Variants in MACROD2 observed in about 807,000 individuals in gnomAD.
The protein encoded by MACROD2 is ADP-ribose glycohydrolase MACROD2.
Under a neutral mutation model 70.4 loss-of-function variants are expected in MACROD2, and 36 were observed. The observed-to-expected ratio is 0.51, with a 90% CI of 0.39 to 0.68. The LOEUF (loss-of-function observed/expected upper bound fraction) is 0.68. Ranked by LOEUF, MACROD2 falls within the 30% of genes least tolerant of loss-of-function variation. The pLI, the probability that MACROD2 is intolerant of heterozygous loss-of-function variation, is 0.00. For synonymous variants in MACROD2, 172 were observed against 178.8 expected, an observed-to-expected ratio of 0.96 and a Z score of 0.30; for missense variants, 496 against 538.4, an observed-to-expected ratio of 0.92 and a Z score of 0.78.
intron 5 of MACROD2, among the ~76,000 whole-genome samples, chr20:15,203,073 A>G (rs2076670900): frequency 6.6e-6 from 1 of 152,152 alleles, no homozygotes; most frequent in Non-Finnish European, 1.5e-5. Flanking sequence ...TGGGATGGGA[A>G]CTTGTTAATT....
intron 8 of MACROD2, among the ~76,000 whole-genome samples, chr20:15,823,041 T>A (rs1444974761): frequency 6.6e-6 from 1 of 152,240 alleles, no homozygotes; most frequent in Non-Finnish European, 1.5e-5. Flanking sequence ...GAATGGCTTA[T>A]GACCCACAGA....
intron 7 of MACROD2, among the ~76,000 whole-genome samples, chr20:15,451,952 T>G (rs1361076979): frequency 6.6e-6 from 1 of 152,106 alleles, no homozygotes; most frequent in African/African-American, 2.4e-5. Flanking sequence ...CATAGGAGAC[T>G]GGTGAGGACA....
intron 5 of MACROD2, among the ~76,000 whole-genome samples, chr20:15,023,800 A>G (rs1205522870): frequency 6.6e-6 from 1 of 152,112 alleles, no homozygotes; most frequent in Non-Finnish European, 1.5e-5. Context: ...GCAATTCAAG[A>G]TGAGATTTGG....
chr20:14,127,720 C>G, intron 3 of MACROD2: 1 of 415,628 alleles, frequency 2.4e-6, no homozygotes, highest in Non-Finnish European at 4.6e-6. Context: ...CAATCTACAC[C>G]AGTAACAACC....
intron 6 of MACROD2, among the ~76,000 whole-genome samples, chr20:15,275,121 C>G (rs2077379465): frequency 6.6e-6 from 1 of 152,206 alleles, no homozygotes; most frequent in Non-Finnish European, 1.5e-5. Context: ...TAAAAGTTAA[C>G]TATGCCCAGA....
At chr20:15,270,313 A>C (rs1365394145) in intron 6 of MACROD2, among the ~76,000 whole-genome samples, 2 of 152,190 alleles carry the variant, frequency 1.3e-5, no homozygotes, top group East Asian at 1.9e-4. Flanking sequence ...CTTTTGATAC[A>C]TGCAACTACT....
intron 4 of MACROD2, among the ~76,000 whole-genome samples, chr20:14,537,262 A>G (rs2085377792): frequency 6.6e-6 from 1 of 152,178 alleles, no homozygotes; most frequent in African/African-American, 2.4e-5. Flanking sequence ...AGTTTATTTG[A>G]TAGGTAGTTC....
At chr20:14,107,636 AAG>A (rs2054387642) in intron 3 of MACROD2, among the ~76,000 whole-genome samples, 1 of 152,154 alleles carries the variant, frequency 6.6e-6, no homozygotes, top group African/African-American at 2.4e-5. Context: ...TAAAAGCAGA[AAG>A]AGAAAAGAAA....
At chr20:14,426,918 A>G (rs1360615181) in intron 3 of MACROD2, among the ~76,000 whole-genome samples, 4 of 152,164 alleles carry the variant, frequency 2.6e-5, no homozygotes, top group Non-Finnish European at 5.9e-5. Context: ...ATTTAACTGT[A>G]TAAGATCCAG....
At chr20:15,239,163 T>A (rs1021712329) in intron 6 of MACROD2, among the ~76,000 whole-genome samples, 5 of 151,664 alleles carry the variant, frequency 3.3e-5, no homozygotes, top group Non-Finnish European at 7.4e-5. Flanking sequence ...AAACCAAACA[T>A]TTTTTCTTGC....
intron 4 of MACROD2, among the ~76,000 whole-genome samples, chr20:14,547,015 G>A (rs1600370125): frequency 6.6e-6 from 1 of 151,808 alleles, no homozygotes; most frequent in East Asian, 1.9e-4. Flanking sequence ...TGCCCCCTAA[G>A]TTTCTAAAAT....
chr20:15,817,103 A>G (rs961548870), intron 8 of MACROD2, among the ~76,000 whole-genome samples: 6 of 152,198 alleles, frequency 3.9e-5, no homozygotes, highest in Non-Finnish European at 8.8e-5. Context: ...TTGTTATAGA[A>G]CTTTTATTGG....
At chr20:14,288,718 A>C (rs886240236) in intron 3 of MACROD2, among the ~76,000 whole-genome samples, 5 of 152,084 alleles carry the variant, frequency 3.3e-5, no homozygotes, top group Non-Finnish European at 7.4e-5. Context: ...GTGTTTTTCA[A>C]GGAACTTGAA....
At chr20:15,867,598 A>G (rs938591658) in intron 9 of MACROD2, among the ~76,000 whole-genome samples, 127 of 152,264 alleles carry the variant, frequency 8.3e-4, no homozygotes, top group African/African-American at 3.0e-3. Context: ...GTATTTTTTC[A>G]GTGTGTAGAA....
intron 2 of MACROD2, among the ~76,000 whole-genome samples, chr20:14,040,512 G>T (rs1397734658): frequency 6.6e-6 from 1 of 152,100 alleles, no homozygotes; most frequent in Non-Finnish European, 1.5e-5. Flanking sequence ...CCCATTACCT[G>T]AGCAGTGTAC....
intron 11 of MACROD2, among the ~76,000 whole-genome samples, chr20:15,934,909 G>T (rs753751936): frequency 1.3e-5 from 2 of 151,856 alleles, no homozygotes; most frequent in African/African-American, 4.8e-5. Flanking sequence ...TGTTGGTCTC[G>T]AATTCCTGAT....
Position 14,864,543 on chromosome 20 carries a change from A to G in MACROD2, c.418+179584A>G, listed in dbSNP as rs1431197227. On this transcript the variant is annotated intron_variant, in intron 5 of 17. Coordinates refer to ENST00000684519, the MANE Select transcript of MACROD2 (RefSeq NM_001351661.2). The stretch of plus-strand genomic sequence containing the variant: ...CTACTATTAAATTTTGCTTTCTATA[A>G]AAACATAGTTGTTAGATAACTAATA... Among the ~76,000 whole-genome samples the G allele has an allele frequency of 3.3e-5, 5 of 152,272 alleles. 1 individual carries two copies. The South Asian group carries it at 1.0e-3, about 32-fold the overall frequency.
At chr20:14,775,416 T>C (rs2072221036) in intron 5 of MACROD2, among the ~76,000 whole-genome samples, 1 of 152,048 alleles carries the variant, frequency 6.6e-6, no homozygotes, top group Non-Finnish European at 1.5e-5. Flanking sequence ...CTTACAATCA[T>C]GGCAGATGGG....
At position 14,230,654 on chromosome 20, in the gene MACROD2, T is replaced by TATATATATATAAAAA; in HGVS notation, c.271+144927_271+144928insTATATATATAAAAAA. ...GTTTATATATATATATATATATATA[T>TATATATATATAAAAA]AACACAGGCTGGGCCTATATATATA... On this transcript the variant is annotated intron_variant, in intron 3 of 17. Transcript: ENST00000684519. Among the ~76,000 whole-genome samples, 6 of 74,244 alleles carry TATATATATATAAAAA rather than the reference T, an allele frequency of 8.1e-5. 1 individual carries two copies. The highest frequency in any genetic ancestry group is 4.0e-4 in the African/African-American group (6 of 14,826). The allele number at this position is 74,244 out of a possible 152,430, so 48.7% of individuals were successfully genotyped here. A position where few individuals can be genotyped will look rare whatever the true frequency, so the allele number is the denominator to read the frequency against.
Sources: gnomAD v4.1 joint callset for allele counts (sites outside exome capture counted in the v4.1 genomes callset) on GRCh38, gnomAD v4.1.1 for gene constraint, MANE v1.5 for transcripts, NCBI Gene and HGNC (gene_info 2026-07-23, HGNC 2026-07-21) for gene names.